PCNP: variants seen among roughly 807,000 people sequenced by gnomAD.
PCNP encodes the protein PEST proteolytic signal containing nuclear protein.
Under a neutral mutation model 21.8 loss-of-function variants are expected in PCNP, and 6 were observed. The ratio of observed to expected loss-of-function variants is 0.28; its 90% CI spans 0.15 to 0.54. PCNP has a LOEUF of 0.54. Among genes scored for constraint, PCNP ranks in the 20% least tolerant of loss-of-function variants. The probability of loss-of-function intolerance (pLI) is 0.95; values close to 1 mark genes in which losing one functional copy is unlikely to be tolerated. For synonymous variants in PCNP, 67 were observed against 73.2 expected, an observed-to-expected ratio of 0.92 and a Z score of 0.43; for missense variants, 161 against 215.5, an observed-to-expected ratio of 0.75 and a Z score of 1.58.
chr3:101,578,548 A>G (rs1195590935), intron 1 of PCNP, among the ~76,000 whole-genome samples: 1 of 152,148 alleles, frequency 6.6e-6, no homozygotes, highest in Non-Finnish European at 1.5e-5. Flanking sequence ...CCTGCCCTAT[A>G]CTGTCATTAC....
chr3:101,577,739 G>T (rs1298610293), intron 1 of PCNP, among the ~76,000 whole-genome samples: 1 of 152,090 alleles, frequency 6.6e-6, no homozygotes. Flanking sequence ...GCCCAGGCTG[G>T]TCTCAAACTC....
intron 2 of PCNP, among the ~76,000 whole-genome samples, chr3:101,583,639 ATTTTT>A (rs71132575): frequency 9.3e-5 from 14 of 151,000 alleles, no homozygotes; most frequent in African/African-American, 2.9e-4. Context: ...AGGTCAGGAG[ATTTTT>A]TTGTTTTGTT....
intron 3 of PCNP, 58 bp from the exon 4 acceptor site, chr3:101,590,157 A>G: frequency 1.1e-6 from 1 of 887,380 alleles, no homozygotes; most frequent in Non-Finnish European, 1.9e-6. Context: ...CGTATTAGTA[A>G]TCAGGAATTG....
rs116752753 is a variant in PCNP, at chr3:101,574,253, A to G, written c.38A>G (p.Lys13Arg). 1.7e-3 allele frequency: 2,682 copies of G among 1,544,426 alleles called. 38 individuals are homozygous for G. The African/African-American group carries it at 0.033, about 19-fold the overall frequency. Residue 13 changes from lysine (K) to arginine (R), a missense_variant, in exon 1 of 5, where the codon AAG becomes AGG. Lys to Arg is a conservative substitution (Grantham distance 26, BLOSUM62 2). Transcript: ENST00000265260. ...DGKAGDEKPEKSQRAGAAGGP... is the reference protein window; with the variant it reads ...DGKAGDEKPERSQRAGAAGGP... ...AAGGCGGGAGACGAGAAGCCTGAAA[A>G]GTCGCAGCGAGCTGGAGCCGCCGGA...
intron 3 of PCNP, among the ~76,000 whole-genome samples, chr3:101,589,441 A>T (rs1458484600): frequency 6.8e-6 from 1 of 147,238 alleles, no homozygotes; most frequent in East Asian, 2.0e-4. Flanking sequence ...ACAGAGTTTC[A>T]CTCATGTCAC....
At chr3:101,591,827 A>T (rs1935827106) in intron 4 of PCNP, among the ~76,000 whole-genome samples, 2 of 134,060 alleles carry the variant, frequency 1.5e-5, no homozygotes, top group Admixed American at 8.4e-5. Flanking sequence ...GCTGGAGTGC[A>T]GTGGTGTGAT....
At chr3:101,592,494 GCT>G in intron 4 of PCNP, 131 bp from the exon 5 acceptor site, 1 of 609,374 alleles carries the variant, frequency 1.6e-6, no homozygotes, top group Non-Finnish European at 2.7e-6. Flanking sequence ...TTTTTAAAAA[GCT>G]CTGTAGGGCC....
intron 3 of PCNP, among the ~76,000 whole-genome samples, chr3:101,585,998 C>T (rs963107706): frequency 2.6e-5 from 4 of 151,820 alleles, no homozygotes; most frequent in Non-Finnish European, 5.9e-5. Flanking sequence ...TGGTGAAACC[C>T]CATCTCTACT....
chr3:101,576,773 GT>G, intron 1 of PCNP: 1 of 1,611,512 alleles, frequency 6.2e-7, no homozygotes, highest in Non-Finnish European at 8.5e-7. Flanking sequence ...TCATCAGTGA[GT>G]TCTCCCGCCC....
At chr3:101,588,195 CG>C (rs1935630443) in intron 3 of PCNP, among the ~76,000 whole-genome samples, 1 of 152,028 alleles carries the variant, frequency 6.6e-6, no homozygotes, top group South Asian at 2.1e-4. Context: ...TGGTTGAACC[CG>C]GGGGGTGGAG....
At chr3:101,577,580 A>G (rs1476884480) in intron 1 of PCNP, among the ~76,000 whole-genome samples, 1 of 152,226 alleles carries the variant, frequency 6.6e-6, no homozygotes, top group Non-Finnish European at 1.5e-5. Context: ...GCTGGAATGT[A>G]GTGGCATGAT....
intron 2 of PCNP, among the ~76,000 whole-genome samples, chr3:101,580,706 G>A (rs2108277455): frequency 6.6e-6 from 1 of 152,214 alleles, no homozygotes; most frequent in Non-Finnish European, 1.5e-5. Flanking sequence ...GTCAGCCTTA[G>A]ATTAATACTT....
chr3:101,577,414 CCTCTGCATA>C (rs1934978897), intron 1 of PCNP, among the ~76,000 whole-genome samples: 1 of 152,172 alleles, frequency 6.6e-6, no homozygotes, highest in African/African-American at 2.4e-5. Flanking sequence ...AGGCTGCACA[CCTCTGCATA>C]CTAGAGAGGT....
At chr3:101,585,142 T>G (rs1280043443) in intron 2 of PCNP, among the ~76,000 whole-genome samples, 1 of 152,228 alleles carries the variant, frequency 6.6e-6, no homozygotes, top group Admixed American at 6.5e-5. Context: ...TACTAATCAT[T>G]TTCTCTTGCC....
At position 101,585,429 on chromosome 3, in the gene PCNP, T is replaced by A. The variant is rs1485599646; in HGVS notation, c.280-8T>A. 6.5e-7 allele frequency: 1 copy of A among 1,544,096 alleles called. No individual in the cohort carries two copies. Among genetic ancestry groups the A allele is most frequent in the Non-Finnish European group, 8.9e-7 (1 of 1,126,234 alleles). ...CATGATATTCTTTTTAATATGTTTC[T>A]TCTTCAGAAGCCTAAAGAAACTGTT... On this transcript the variant is annotated splice_polypyrimidine_tract_variant and splice_region_variant and intron_variant, in intron 2 of 4. Transcript: ENST00000265260.
intron 2 of PCNP, among the ~76,000 whole-genome samples, chr3:101,581,100 C>T (rs1363102613): frequency 6.6e-6 from 1 of 152,106 alleles, no homozygotes; most frequent in Non-Finnish European, 1.5e-5. Flanking sequence ...CTTAGAATCC[C>T]CACCCTCACT....
chr3:101,590,271 GTAT>G lies in PCNP; in HGVS notation c.410+5_410+7del, dbSNP rs1383814538. The G allele has an allele frequency of 2.7e-6, 4 of 1,470,646 alleles. No homozygotes were observed. The highest frequency in any genetic ancestry group is 2.8e-6 in the Non-Finnish European group (3 of 1,053,172). The allele number at this position is 1,470,646 out of a possible 1,614,324, so 91.1% of individuals were successfully genotyped here. ...AGATGAGGATGAAGAATATTGGAAG[GTAT>G]TATAATTTTTCATAAATATTATAGA... On this transcript the variant is annotated splice_donor_variant and splice_donor_region_variant and intron_variant, in intron 4 of 4. Transcript: ENST00000265260. LOFTEE classifies it high-confidence loss of function.
At chr3:101,575,821 A>G (rs995231764) in intron 1 of PCNP, among the ~76,000 whole-genome samples, 1 of 152,184 alleles carries the variant, frequency 6.6e-6, no homozygotes, top group East Asian at 1.9e-4. Context: ...GAGGGTTATT[A>G]GTTCTATAGT....
chr3:101,576,566 C>T, intron 1 of PCNP: 2 of 1,610,938 alleles, frequency 1.2e-6, no homozygotes, highest in Non-Finnish European at 1.7e-6. Context: ...ACACGAAGGC[C>T]CCAGAAGTGA....
Sources: gnomAD v4.1 joint callset for allele counts (sites outside exome capture counted in the v4.1 genomes callset) on GRCh38, gnomAD v4.1.1 for gene constraint, MANE v1.5 for transcripts, NCBI Gene and HGNC (gene_info 2026-07-23, HGNC 2026-07-21) for gene names.